The following TENM3 variants were observed in gnomAD, a reference collection of about 807,000 sequenced individuals.
The protein encoded by TENM3 is teneurin-3.
In TENM3, 63 loss-of-function variants were observed where a neutral mutation model predicts 255.1. The observed-to-expected ratio is 0.25, with a 90% CI of 0.20 to 0.30. The LOEUF (loss-of-function observed/expected upper bound fraction) is 0.30. TENM3 is among the 10% of genes least tolerant of loss of function. TENM3 has a pLI of 1.00. For synonymous variants in TENM3, 1,306 were observed against 1,322.3 expected (o/e 0.99, Z 0.27); for missense variants, 2,929 against 3,461.1 (o/e 0.85, Z 3.86).
chr4:182,245,600 A>C (rs993977201), intron 1 of TENM3, among the ~76,000 whole-genome samples: 2 of 152,174 alleles, frequency 1.3e-5, no homozygotes, highest in African/African-American at 4.8e-5. Flanking sequence ...GGCAGTCCAC[A>C]TGTTACTTCC....
chr4:182,144,502 T>G (rs1749750566), upstream of TENM3: 1 of 148,620 alleles, frequency 6.7e-6, no homozygotes, highest in African/African-American at 2.4e-5. Flanking sequence ...AGTGAACTCA[T>G]TGGCGCGCGG....
At chr4:181,732,036 T>G in the TENM3 span, among the ~76,000 whole-genome samples, 1 of 152,064 alleles carries the variant, frequency 6.6e-6, no homozygotes, top group African/African-American at 2.4e-5. Flanking sequence ...TAAAACTAAA[T>G]GGGAAAGGAA....
intron 1 of TENM3, among the ~76,000 whole-genome samples, chr4:182,260,618 G>A (rs1325978498): frequency 6.6e-6 from 1 of 152,064 alleles, no homozygotes; most frequent in African/African-American, 2.4e-5. Flanking sequence ...ATTCTGAAAT[G>A]GTTCTATTAA....
At chr4:182,601,488 C>A (rs1441986455) in intron 4 of TENM3, among the ~76,000 whole-genome samples, 1 of 152,164 alleles carries the variant, frequency 6.6e-6, no homozygotes, top group Non-Finnish European at 1.5e-5. Flanking sequence ...ATGTTATTCT[C>A]AGTTGCATGT....
chr4:182,218,976 G>A (rs547026869), intron 1 of TENM3, among the ~76,000 whole-genome samples: 23 of 152,352 alleles, frequency 1.5e-4, no homozygotes, highest in African/African-American at 5.5e-4. Flanking sequence ...TGTAATCCCA[G>A]CACTGGGAGG....
At chr4:181,824,911 A>C in the TENM3 span, among the ~76,000 whole-genome samples, 6 of 152,176 alleles carry the variant, frequency 3.9e-5, no homozygotes, top group Admixed American at 3.3e-4. Flanking sequence ...ACCACCGGGC[A>C]CTCACTGACA....
the TENM3 span, among the ~76,000 whole-genome samples, chr4:181,452,124 A>G: frequency 3.3e-5 from 5 of 152,288 alleles, no homozygotes; most frequent in East Asian, 5.8e-4. Context: ...CAACAGTAAC[A>G]TCATTGGTAG....
chr4:182,343,615 A>G (rs1345018153), intron 2 of TENM3, among the ~76,000 whole-genome samples: 3 of 151,626 alleles, frequency 2.0e-5, no homozygotes, highest in Non-Finnish European at 4.4e-5. Context: ...CCTCCCCACT[A>G]CTACAAGCCC....
At chr4:182,686,798 A>G (rs548700539) in intron 11 of TENM3, among the ~76,000 whole-genome samples, 2 of 152,268 alleles carry the variant, frequency 1.3e-5, no homozygotes, top group South Asian at 4.1e-4. Flanking sequence ...TGAAAAATTG[A>G]TTAGATTGAA....
intron 3 of TENM3, among the ~76,000 whole-genome samples, chr4:182,491,149 T>C (rs1213829945): frequency 2.6e-5 from 4 of 152,174 alleles, no homozygotes; most frequent in Admixed American, 6.5e-5. Flanking sequence ...GAATACAGTG[T>C]GGTCAGTACT....
intron 5 of TENM3, among the ~76,000 whole-genome samples, chr4:182,643,759 T>A (rs1752509061): frequency 6.6e-6 from 1 of 152,204 alleles, no homozygotes; most frequent in Admixed American, 6.5e-5. Flanking sequence ...TCCTAATGAA[T>A]CTTTCTCAGA....
At chr4:182,301,904 A>C (rs530450628) in intron 1 of TENM3, among the ~76,000 whole-genome samples, 2 of 152,202 alleles carry the variant, frequency 1.3e-5, no homozygotes, top group Non-Finnish European at 2.9e-5. Flanking sequence ...CCAGTTCTGC[A>C]GAAGGGCAAG....
chr4:181,547,703 T>G, the TENM3 span, among the ~76,000 whole-genome samples: 14,393 of 152,188 alleles, frequency 0.095, 892 homozygotes, highest in African/African-American at 0.16. Flanking sequence ...AAACAATGCC[T>G]TAGTTATAGT....
chr4:181,467,494 A>C, the TENM3 span, among the ~76,000 whole-genome samples: 1 of 152,020 alleles, frequency 6.6e-6, no homozygotes, highest in Non-Finnish European at 1.5e-5. Flanking sequence ...GCATATTATG[A>C]CAGATATCTA....
the TENM3 span, among the ~76,000 whole-genome samples, chr4:181,547,695 A>G: frequency 1.3e-5 from 2 of 152,196 alleles, no homozygotes; most frequent in Non-Finnish European, 2.9e-5. Context: ...AGAAAATGAA[A>G]CAATGCCTTA....
chr4:182,499,560 C>A (rs1014626648), intron 3 of TENM3, among the ~76,000 whole-genome samples: 9 of 152,168 alleles, frequency 5.9e-5, no homozygotes, highest in African/African-American at 1.7e-4. Flanking sequence ...AGAAACCCTT[C>A]CCCTCCTGCC....
chr4:182,172,519 A>G (rs186739839), intron 1 of TENM3, among the ~76,000 whole-genome samples: 230 of 152,310 alleles, frequency 1.5e-3, no homozygotes, highest in African/African-American at 5.3e-3. Context: ...GATTTTGTGA[A>G]CCAAATGCAC....
chr4:181,649,699 A>G, the TENM3 span, among the ~76,000 whole-genome samples: 1 of 152,250 alleles, frequency 6.6e-6, no homozygotes, highest in Admixed American at 6.5e-5. Flanking sequence ...GCACAAGTTT[A>G]GTTGATCGTG....
chr4:182,045,615 T>G, the TENM3 span, among the ~76,000 whole-genome samples: 1 of 152,198 alleles, frequency 6.6e-6, no homozygotes, highest in African/African-American at 2.4e-5. Context: ...GTCCCAAGGA[T>G]AGTGAAAAAA....
Sources: allele counts gnomAD v4.1 joint callset (sites outside exome capture counted in the v4.1 genomes callset), GRCh38; gene constraint gnomAD v4.1.1; transcripts MANE v1.5; gene names NCBI Gene and HGNC (gene_info 2026-07-23, HGNC 2026-07-21).